Variants in MAD1L1 observed in about 807,000 individuals in gnomAD.
The protein encoded by MAD1L1 is mitotic spindle assembly checkpoint protein MAD1.
A neutral mutation model predicts 96.9 loss-of-function variants in MAD1L1; 95 were observed. The ratio of observed to expected loss-of-function variants is 0.98; its 90% CI spans 0.83 to 1.16. The LOEUF is 1.16. MAD1L1 is among the 50% of genes most tolerant of loss of function. MAD1L1 has a pLI of 0.00. For synonymous variants in MAD1L1, 473 were observed against 396.6 expected (o/e 1.19, Z -2.29); for missense variants, 1,007 against 954.4 (o/e 1.06, Z -0.73).
intron 11 of MAD1L1, chr7:2,079,813 G>C (rs1312185374): frequency 4.3e-6 from 2 of 466,232 alleles, no homozygotes; most frequent in Non-Finnish European, 8.9e-6. Context: ...TAGGAAATGA[G>C]AACTGCAGAG....
intron 12 of MAD1L1, among the ~76,000 whole-genome samples, chr7:2,019,515 C>T (rs749799566): frequency 3.9e-5 from 6 of 152,202 alleles, no homozygotes; most frequent in African/African-American, 9.7e-5. Context: ...AACGGGGGCA[C>T]GAATGCCCCA....
At chr7:1,844,363 G>A (rs1348323022) in intron 18 of MAD1L1, 1 of 152,514 alleles carries the variant, frequency 6.6e-6, no homozygotes, top group Non-Finnish European at 1.5e-5. Flanking sequence ...TAGGGGCCCA[G>A]GGGCACAAGG....
intron 11 of MAD1L1, among the ~76,000 whole-genome samples, chr7:2,094,589 C>CT (rs1786380630): frequency 6.6e-6 from 1 of 152,126 alleles, no homozygotes; most frequent in Non-Finnish European, 1.5e-5. Flanking sequence ...GTCAGGAAGG[C>CT]TGCTGCTATC....
At chr7:2,213,170 T>C (rs762898926) in intron 10 of MAD1L1, 42 bp downstream of exon 10, 5 of 1,609,250 alleles carry the variant, frequency 3.1e-6, no homozygotes, top group Middle Eastern at 1.6e-4. Context: ...CCCAGGACCC[T>C]TCAAAGAAGG....
intron 1 of MAD1L1, among the ~76,000 whole-genome samples, chr7:2,231,171 G>A (rs1218086202): frequency 3.3e-5 from 5 of 151,952 alleles, no homozygotes; most frequent in Admixed American, 1.3e-4. Flanking sequence ...GGTGGTGTGC[G>A]CCTGTAATCC....
At chr7:1,840,693 C>T (rs1783203901) in intron 18 of MAD1L1, among the ~76,000 whole-genome samples, 1 of 152,376 alleles carries the variant, frequency 6.6e-6, no homozygotes, top group Non-Finnish European at 1.5e-5. Context: ...CGCGCCACTG[C>T]ACTCCAGCCT....
chr7:2,093,727 CT>C (rs1786332033), intron 11 of MAD1L1, among the ~76,000 whole-genome samples: 3 of 152,198 alleles, frequency 2.0e-5, no homozygotes, highest in Admixed American at 6.5e-5. Context: ...TCATCCACCC[CT>C]ATGAGACACA....
chr7:1,950,721 A>G (rs1306177709), intron 16 of MAD1L1, among the ~76,000 whole-genome samples: 2 of 152,110 alleles, frequency 1.3e-5, no homozygotes. Context: ...GCAGGCCCAC[A>G]GGGGGAGGGT....
At chr7:1,918,062 G>A (rs1023504904) in intron 17 of MAD1L1, among the ~76,000 whole-genome samples, 19 of 152,102 alleles carry the variant, frequency 1.2e-4, no homozygotes, top group Admixed American at 2.0e-4. Flanking sequence ...ACCCCACCTC[G>A]CAGACCAGCA....
At chr7:2,189,245 C>T (rs1056887718) in intron 10 of MAD1L1, among the ~76,000 whole-genome samples, 13 of 152,204 alleles carry the variant, frequency 8.5e-5, no homozygotes, top group African/African-American at 3.1e-4. Flanking sequence ...GGTACAGCCA[C>T]TGTGGAAAGC....
chr7:1,847,708 C>T, intron 18 of MAD1L1: 1 of 470,438 alleles, frequency 2.1e-6, no homozygotes, highest in South Asian at 1.5e-5. Context: ...CTGGGCAGGC[C>T]TGGGTTCCCA....
At chr7:1,840,108 C>T (rs542359363) in intron 18 of MAD1L1, among the ~76,000 whole-genome samples, 11 of 152,292 alleles carry the variant, frequency 7.2e-5, no homozygotes, top group South Asian at 2.1e-4. Context: ...CCCATGAGGA[C>T]GACATCAGAG....
intron 1 of MAD1L1, among the ~76,000 whole-genome samples, chr7:2,231,674 G>A (rs1794197109): frequency 6.6e-6 from 1 of 152,080 alleles, no homozygotes; most frequent in East Asian, 1.9e-4. Flanking sequence ...GCATGCAACA[G>A]TGACAGTAAA....
chr7:1,911,417 C>T (rs1281226070), intron 17 of MAD1L1, among the ~76,000 whole-genome samples: 4 of 152,318 alleles, frequency 2.6e-5, no homozygotes, highest in Admixed American at 1.3e-4. Context: ...AGCCCAGCTT[C>T]GGAAGGGAAG....
At chr7:2,181,886 G>A (rs898046901) in intron 10 of MAD1L1, among the ~76,000 whole-genome samples, 4 of 152,094 alleles carry the variant, frequency 2.6e-5, no homozygotes, top group Non-Finnish European at 4.4e-5. Context: ...GCAGCAACGT[G>A]GATGGAGTTG....
chr7:2,018,460 A>G (rs906316306), intron 12 of MAD1L1, among the ~76,000 whole-genome samples: 3 of 152,214 alleles, frequency 2.0e-5, no homozygotes, highest in Non-Finnish European at 4.4e-5. Context: ...CCAGGAGAGC[A>G]GGCAGGTGGG....
At chr7:2,170,427 G>A (rs1163874188) in intron 10 of MAD1L1, among the ~76,000 whole-genome samples, 2 of 152,220 alleles carry the variant, frequency 1.3e-5, no homozygotes, top group East Asian at 1.9e-4. Context: ...CAGAGGGAGT[G>A]GGAGAAAGCA....
At chr7:1,960,701 A>G (rs1027137301) in intron 15 of MAD1L1, among the ~76,000 whole-genome samples, 41 of 152,224 alleles carry the variant, frequency 2.7e-4, no homozygotes, top group Non-Finnish European at 1.2e-4. Flanking sequence ...CTCAATGACA[A>G]TCTGAGACTT....
chr7:1,922,764 G>C (rs1788870639), intron 17 of MAD1L1, among the ~76,000 whole-genome samples: 1 of 152,256 alleles, frequency 6.6e-6, no homozygotes, highest in Non-Finnish European at 1.5e-5. Context: ...GGTTTCTGCA[G>C]ATGCTCTTTG....
Sources: gnomAD v4.1 joint callset for allele counts (sites outside exome capture counted in the v4.1 genomes callset) on GRCh38, gnomAD v4.1.1 for gene constraint, MANE v1.5 for transcripts, NCBI Gene and HGNC (gene_info 2026-07-23, HGNC 2026-07-21) for gene names.